Variants in THSD7A observed in about 807,000 individuals in gnomAD.
The protein encoded by THSD7A is thrombospondin type 1 domain containing 7A, also known as thrombospondin type-1 domain-containing protein 7A.
Under a neutral mutation model 231.3 loss-of-function variants are expected in THSD7A, and 96 were observed. The observed-to-expected ratio is 0.41, with a 90% CI of 0.35 to 0.49. THSD7A has a LOEUF of 0.49. Among genes scored for constraint, THSD7A ranks in the 20% least tolerant of loss-of-function variants. The pLI is 0.05. For synonymous variants in THSD7A, 940 were observed against 743.3 expected, an observed-to-expected ratio of 1.26 and a Z score of -4.30; for missense variants, 2,290 against 2,070.2, an observed-to-expected ratio of 1.11 and a Z score of -2.06.
intron 6 of THSD7A, among the ~76,000 whole-genome samples, chr7:11,537,066 A>G (rs571553268): frequency 2.0e-5 from 3 of 152,230 alleles, no homozygotes; most frequent in South Asian, 2.1e-4. Context: ...AAATTCTTAC[A>G]TTTTCCTGAA....
chr7:11,828,287 G>T (rs1165074558), intron 1 of THSD7A, among the ~76,000 whole-genome samples: 1 of 152,216 alleles, frequency 6.6e-6, no homozygotes, highest in Non-Finnish European at 1.5e-5. Context: ...TTGAGGTGCT[G>T]TGTACTACTG....
At chr7:11,525,220 T>C (rs891779006) in intron 6 of THSD7A, among the ~76,000 whole-genome samples, 1 of 152,088 alleles carries the variant, frequency 6.6e-6, no homozygotes, top group Non-Finnish European at 1.5e-5. Flanking sequence ...CTAACTGCAA[T>C]CAATAGATCA....
chr7:11,409,922 A>G (rs1191760609), intron 19 of THSD7A, among the ~76,000 whole-genome samples: 3 of 152,038 alleles, frequency 2.0e-5, no homozygotes, highest in Non-Finnish European at 4.4e-5. Flanking sequence ...TTGTATTTTT[A>G]GTAGAGATGG....
At chr7:11,807,994 T>C (rs975984185) in intron 1 of THSD7A, among the ~76,000 whole-genome samples, 7 of 152,126 alleles carry the variant, frequency 4.6e-5, no homozygotes, top group Admixed American at 3.9e-4. Context: ...CTGTCTTCTA[T>C]GCTCCCCATT....
intron 4 of THSD7A, among the ~76,000 whole-genome samples, chr7:11,570,155 A>G (rs573386281): frequency 6.6e-6 from 1 of 152,270 alleles, no homozygotes; most frequent in South Asian, 2.1e-4. Flanking sequence ...TAGGTGGCAG[A>G]GCAAGATCTT....
chr7:11,484,598 T>C (rs879895865), intron 6 of THSD7A, among the ~76,000 whole-genome samples: 1 of 152,170 alleles, frequency 6.6e-6, no homozygotes. Flanking sequence ...TCCGTATCTG[T>C]CTTGGTTGCT....
At chr7:11,643,058 C>G (rs757115061) in intron 1 of THSD7A, among the ~76,000 whole-genome samples, 20 of 152,012 alleles carry the variant, frequency 1.3e-4, no homozygotes, top group Non-Finnish European at 2.4e-4. Context: ...AGATAAACAC[C>G]ATAAAAGGAG....
intron 1 of THSD7A, among the ~76,000 whole-genome samples, chr7:11,650,966 G>T (rs1361849801): frequency 6.6e-6 from 1 of 151,972 alleles, no homozygotes; most frequent in East Asian, 1.9e-4. Flanking sequence ...GATAGTGAGG[G>T]CCTACAATGT....
At position 11,711,736 on chromosome 7, in the gene THSD7A, G is replaced by A. The variant is rs141085005; in HGVS notation, c.191-74775C>T. On this transcript the variant is annotated intron_variant, in intron 1 of 27. Coordinates refer to ENST00000423059, the MANE Select transcript of THSD7A (RefSeq NM_015204.3). ...AACTTCATAGAAAACACACACCTCA[G>A]TTGTACTTCAGTTTCATCTATGGGT... is the stretch of plus-strand genomic sequence containing the variant. Among the ~76,000 whole-genome samples the A allele has an allele frequency of 4.4e-3, 671 of 151,278 alleles. 5 individuals carry two copies. The highest frequency in any genetic ancestry group is 0.016 in the African/African-American group (646 of 41,456).
At chr7:11,630,042 T>C (rs1298674496) in intron 2 of THSD7A, among the ~76,000 whole-genome samples, 1 of 152,178 alleles carries the variant, frequency 6.6e-6, no homozygotes, top group Non-Finnish European at 1.5e-5. Context: ...TTATTTATTA[T>C]TTATTTATCC....
chr7:11,475,299 T>C (rs1786112936), intron 7 of THSD7A, among the ~76,000 whole-genome samples: 1 of 152,130 alleles, frequency 6.6e-6, no homozygotes, highest in South Asian at 2.1e-4. Context: ...GAAAAGTGCA[T>C]TGGCAAGGAT....
chr7:11,785,283 C>T (rs1783754014), intron 1 of THSD7A, among the ~76,000 whole-genome samples: 1 of 151,956 alleles, frequency 6.6e-6, no homozygotes, highest in Non-Finnish European at 1.5e-5. Context: ...GAGTGCAGTG[C>T]TATTATTCAT....
At position 11,593,577 on chromosome 7, in the gene THSD7A, A is replaced by G. The variant is rs573380538; in HGVS notation, c.1023-75T>C. The G allele has an allele frequency of 3.3e-4, 504 of 1,528,678 alleles. 1 individual carries two copies. Among genetic ancestry groups the G allele is most frequent in the Non-Finnish European group, 4.1e-4 (461 of 1,133,754 alleles). 94.7% of individuals were successfully genotyped at this position (1,528,678 alleles called of 1,614,324 possible). On this transcript the variant is annotated intron_variant, in intron 2 of 27. Transcript: ENST00000423059. ...ACTTTGTCTTCTACGCTCAAGAGTG[A>G]ATCAGCTTGGGCATTTTTATTTCTA...
chr7:11,557,933 G>A (rs1403367079), intron 4 of THSD7A, among the ~76,000 whole-genome samples: 1 of 152,162 alleles, frequency 6.6e-6, no homozygotes, highest in Non-Finnish European at 1.5e-5. Flanking sequence ...TTGCTGATAT[G>A]GGTGAGGGTA....
chr7:11,795,316 A>G (rs1190108412), intron 1 of THSD7A, among the ~76,000 whole-genome samples: 1 of 151,982 alleles, frequency 6.6e-6, no homozygotes, highest in East Asian at 1.9e-4. Context: ...ATTAAAATAT[A>G]AAGAGTTACA....
chr7:11,407,160 G>A, intron 20 of THSD7A, 105 bp from the exon 21 acceptor site: 1 of 1,500,172 alleles, frequency 6.7e-7, no homozygotes, highest in Non-Finnish European at 9.1e-7. Context: ...AGGCAATCCA[G>A]GAACAAGTAA....
Position 11,590,664 on chromosome 7 carries a change from G to C in THSD7A, c.1272-23C>G. 2 of 1,575,232 alleles carry C rather than the reference G, an allele frequency of 1.3e-6. No homozygotes were observed. The highest frequency in any genetic ancestry group is 1.7e-6 in the Non-Finnish European group (2 of 1,160,944). ...TACCTAAATAAAGACAACACCACCAGCAGCAACCATAATTATTGAATGACG... is the reference window on the plus strand; with the variant it reads ...TACCTAAATAAAGACAACACCACCACCAGCAACCATAATTATTGAATGACG... On this transcript the variant is annotated intron_variant, in intron 3 of 27. Coordinates refer to ENST00000423059, the MANE Select transcript of THSD7A (RefSeq NM_015204.3). This position sits in a 1 kb window ranked among gnomAD's most constrained non-coding sequence, Gnocchi z 4.4.
chr7:11,451,614 T>G (rs1018822450), intron 11 of THSD7A, among the ~76,000 whole-genome samples: 12 of 152,030 alleles, frequency 7.9e-5, no homozygotes, highest in African/African-American at 2.7e-4. Flanking sequence ...GTAAAGTTAA[T>G]TCTAGAATGT....
chr7:11,389,715 G>A (rs1358979140), intron 23 of THSD7A, among the ~76,000 whole-genome samples: 1 of 151,770 alleles, frequency 6.6e-6, no homozygotes, highest in Non-Finnish European at 1.5e-5. Context: ...TCTTCATAGT[G>A]TTGATGGCCT....
Sources: gnomAD v4.1 joint callset for allele counts (sites outside exome capture counted in the v4.1 genomes callset) on GRCh38, gnomAD v4.1.1 for gene constraint, Gnocchi (gnomAD v3.1) non-coding constraint, MANE v1.5 for transcripts, NCBI Gene and HGNC (gene_info 2026-07-23, HGNC 2026-07-21) for gene names.